Variants in STAM2 observed in about 807,000 individuals in gnomAD.
STAM2 encodes signal transducing adaptor molecule 2.
Under a neutral mutation model 65.6 loss-of-function variants are expected in STAM2, and 51 were observed. The ratio of observed to expected loss-of-function variants is 0.78; its 90% CI spans 0.62 to 0.98. The LOEUF is 0.98. Among genes scored for constraint, STAM2 ranks in the 50% least tolerant of loss-of-function variants. The pLI, the probability that STAM2 is intolerant of heterozygous loss-of-function variation, is 0.00. For missense variants in STAM2, 584 were observed against 617.8 expected (o/e 0.95, Z 0.58); for synonymous variants, 198 against 208.4 (o/e 0.95, Z 0.43).
intron 1 of STAM2, among the ~76,000 whole-genome samples, chr2:152,153,314 A>G (rs1689481807): frequency 6.6e-6 from 1 of 152,102 alleles, no homozygotes; most frequent in African/African-American, 2.4e-5. Context: ...ATATATATGA[A>G]TGACAGGTAA....
intron 1 of STAM2, among the ~76,000 whole-genome samples, 197 bp downstream of exon 1, chr2:152,175,406 A>C (rs796433278): frequency 1.4e-4 from 22 of 152,284 alleles, no homozygotes; most frequent in African/African-American, 4.8e-4. Flanking sequence ...GGCGGCAGGA[A>C]GCACTCCCCA....
At chr2:152,148,811 G>A (rs753483488) in intron 2 of STAM2, among the ~76,000 whole-genome samples, 30 of 151,256 alleles carry the variant, frequency 2.0e-4, no homozygotes, top group Non-Finnish European at 4.3e-4. Flanking sequence ...CAAATGTTGT[G>A]TATTCCAAAA....
rs1370128560 is a variant in STAM2 at position 152,175,650 on chromosome 2, G to A, written c.-8C>T. ...GGCGGTGAACAAAGGCATCTCGCCG[G>A]CGCCCGAGCCCTAGTCGCTGCTGTC... On this transcript the variant is annotated 5_prime_UTR_variant, in exon 1 of 14. Transcript: ENST00000263904. 1 of 1,611,766 alleles carries A rather than the reference G, an allele frequency of 6.2e-7. No individual in the cohort carries two copies. Among genetic ancestry groups the A allele is most frequent in the East Asian group, 2.2e-5 (1 of 44,750 alleles).
At chr2:152,124,676 T>C (rs1021013691) in intron 12 of STAM2, 9 of 152,220 alleles carry the variant, frequency 5.9e-5, no homozygotes, top group Non-Finnish European at 1.3e-4. Context: ...ATCAATCCAG[T>C]TTTAAATTAA....
At chr2:152,121,349 A>G (rs1688850420) in intron 13 of STAM2, among the ~76,000 whole-genome samples, 1 of 152,196 alleles carries the variant, frequency 6.6e-6, no homozygotes, top group Non-Finnish European at 1.5e-5. Flanking sequence ...TCTAAGGCCA[A>G]TTTAACTTCC....
chr2:152,137,622 T>C (rs1040062308), intron 7 of STAM2, among the ~76,000 whole-genome samples: 3 of 152,300 alleles, frequency 2.0e-5, no homozygotes, highest in Admixed American at 6.5e-5. Flanking sequence ...TTTTCCCCTA[T>C]GCAATCAAAT....
intron 1 of STAM2, among the ~76,000 whole-genome samples, chr2:152,165,160 T>C (rs1579335625): frequency 6.6e-6 from 1 of 151,998 alleles, no homozygotes; most frequent in African/African-American, 2.4e-5. Context: ...GCGCGGTGGC[T>C]CATGCCTGCA....
At chr2:152,170,148 T>G (rs1010745084) in intron 1 of STAM2, among the ~76,000 whole-genome samples, 6 of 150,872 alleles carry the variant, frequency 4.0e-5, no homozygotes, top group Admixed American at 4.0e-4. Flanking sequence ...AGAGCTACAC[T>G]TCTACTGAAG....
intron 7 of STAM2, among the ~76,000 whole-genome samples, chr2:152,140,490 G>A (rs1258154863): frequency 6.6e-6 from 1 of 152,150 alleles, no homozygotes; most frequent in Non-Finnish European, 1.5e-5. Flanking sequence ...AATGACTGAA[G>A]GTAGTGATGT....
At chr2:152,164,200 G>T (rs1415610036) in intron 1 of STAM2, among the ~76,000 whole-genome samples, 1 of 152,050 alleles carries the variant, frequency 6.6e-6, no homozygotes, top group Non-Finnish European at 1.5e-5. Flanking sequence ...CAGACTGGCC[G>T]ACACTTAGGA....
chr2:152,133,499 T>G lies in STAM2; in HGVS notation c.800-15A>C, dbSNP rs762456070. On this transcript the variant is annotated splice_polypyrimidine_tract_variant and intron_variant, in intron 8 of 13. Transcript: ENST00000263904. The stretch of plus-strand genomic sequence containing the variant: ...GTCCACAGCCGCTATAGAAACAAAG[T>G]AATTTTAAGTTCCTCAGCATTTACT... 16 of 1,596,820 alleles carry G rather than the reference T, an allele frequency of 1.0e-5. No individual in the cohort carries two copies. The highest frequency in any genetic ancestry group is 1.4e-5 in the Non-Finnish European group (16 of 1,167,266).
At chr2:152,163,644 G>C (rs546780065) in intron 1 of STAM2, among the ~76,000 whole-genome samples, 1 of 152,332 alleles carries the variant, frequency 6.6e-6, no homozygotes, top group African/African-American at 2.4e-5. Flanking sequence ...TCTTCTTGCA[G>C]AGAGTCTATA....
chr2:152,157,131 G>C (rs1003216237), intron 1 of STAM2, among the ~76,000 whole-genome samples: 2 of 152,132 alleles, frequency 1.3e-5, no homozygotes, highest in African/African-American at 2.4e-5. Context: ...AGTAGAGAAG[G>C]ACTAGCCCAA....
At position 152,144,914 on chromosome 2, in the gene STAM2, T is replaced by C; in HGVS notation, c.491A>G (p.Asn164Ser). 6.2e-7 allele frequency: 1 copy of C among 1,613,928 alleles called. No homozygotes were observed. Among genetic ancestry groups the C allele is most frequent in the Non-Finnish European group, 8.5e-7 (1 of 1,179,792 alleles). The change falls in exon 6 of 14, where the codon AAC becomes AGC. Residue 164 changes from asparagine to serine, a missense_variant. Asn to Ser is a conservative substitution (Grantham distance 46). Transcript: ENST00000263904. ...TTTAGCTATGTCTTCATCCTCTTTG[T>C]TTTTGTTCGATGACGTACCATTCTT... ...AAKNGTSSNK[N>S]KEDEDIAKAI...
At chr2:152,153,045 GAAATA>G (rs1689476755) in intron 1 of STAM2, among the ~76,000 whole-genome samples, 1 of 152,016 alleles carries the variant, frequency 6.6e-6, no homozygotes. Context: ...TGCATTGTGA[GAAATA>G]AAATAAATTA....
rs536013993 is a variant in STAM2, at chr2:152,157,173, G to T, written c.41-6944C>A. ...CGAGAGATGGCGACCAGGTTTCTAA[G>T]CACAGTGATTAACCAGAGGCCCTTG... On this transcript the variant is annotated intron_variant, in intron 1 of 13. Transcript: ENST00000263904. Among the ~76,000 whole-genome samples the T allele has an allele frequency of 3.5e-4, 53 of 152,294 alleles. No individual in the cohort carries two copies. In the South Asian group the frequency reaches 6.0e-3, roughly 17 times the overall value.
intron 1 of STAM2, among the ~76,000 whole-genome samples, chr2:152,153,885 TAC>T (rs70974824): frequency 0.18 from 25,565 of 144,784 alleles, 2,343 homozygotes; most frequent in Admixed American, 0.27. Context: ...AGACATTACA[TAC>T]ACACACACAC....
chr2:152,167,334 C>T (rs1244674257), intron 1 of STAM2, among the ~76,000 whole-genome samples: 1 of 152,158 alleles, frequency 6.6e-6, no homozygotes, highest in Admixed American at 6.5e-5. Context: ...TTAAGCATAG[C>T]AGCCACAGAC....
At chr2:152,153,880 T>C (rs919295997) in intron 1 of STAM2, among the ~76,000 whole-genome samples, 1 of 86,442 alleles carries the variant, frequency 1.2e-5, no homozygotes, top group African/African-American at 4.1e-5. Context: ...CTTCCAGACA[T>C]TACATACACA....
Sources: allele counts gnomAD v4.1 joint callset (sites outside exome capture counted in the v4.1 genomes callset), GRCh38; gene constraint gnomAD v4.1.1; transcripts MANE v1.5; gene names NCBI Gene and HGNC (gene_info 2026-07-23, HGNC 2026-07-21).